Variants in ARB2A observed in about 807,000 individuals in gnomAD.
ARB2A encodes the protein ARB2 cotranscriptional regulator A.
the ARB2A span, among the ~76,000 whole-genome samples, chr5:94,015,254 T>C: frequency 1.3e-5 from 2 of 152,044 alleles, no homozygotes; most frequent in Non-Finnish European, 2.9e-5. Context: ...TTCAAACTGA[T>C]GAAAGAAAAA....
At chr5:93,819,011 C>A in the ARB2A span, among the ~76,000 whole-genome samples, 2 of 151,464 alleles carry the variant, frequency 1.3e-5, no homozygotes, top group Non-Finnish European at 2.9e-5. Context: ...CACGGTGAAA[C>A]CCCGTCTCTA....
chr5:93,854,619 T>C, the ARB2A span, among the ~76,000 whole-genome samples: 1 of 152,254 alleles, frequency 6.6e-6, no homozygotes, highest in Non-Finnish European at 1.5e-5. Context: ...CTCTACACAC[T>C]GCTTTGAATG....
chr5:93,868,332 A>G, the ARB2A span, among the ~76,000 whole-genome samples: 1 of 152,126 alleles, frequency 6.6e-6, no homozygotes, highest in South Asian at 2.1e-4. Flanking sequence ...CAACAACAAG[A>G]AAAGAAATGA....
At chr5:93,710,519 A>C in the ARB2A span, among the ~76,000 whole-genome samples, 1 of 152,204 alleles carries the variant, frequency 6.6e-6, no homozygotes, top group Non-Finnish European at 1.5e-5. Flanking sequence ...ATCTAATTGC[A>C]AGCCACACAC....
At chr5:93,705,203 T>C in the ARB2A span, among the ~76,000 whole-genome samples, 4 of 152,180 alleles carry the variant, frequency 2.6e-5, no homozygotes, top group Admixed American at 6.5e-5. Flanking sequence ...AGTGGGAGAT[T>C]TGGCTTAATT....
At chr5:93,839,458 T>C in the ARB2A span, among the ~76,000 whole-genome samples, 1 of 152,180 alleles carries the variant, frequency 6.6e-6, no homozygotes, top group Non-Finnish European at 1.5e-5. Flanking sequence ...TTTGCATCTA[T>C]GTTCATTAAG....
chr5:94,059,664 A>T, the ARB2A span, among the ~76,000 whole-genome samples: 313 of 150,500 alleles, frequency 2.1e-3, 2 homozygotes, highest in African/African-American at 7.3e-3. Context: ...AAGCAGATAG[A>T]GAAAAAAGGA....
At chr5:93,777,692 G>C in the ARB2A span, among the ~76,000 whole-genome samples, 2 of 151,982 alleles carry the variant, frequency 1.3e-5, no homozygotes, top group African/African-American at 4.8e-5. Context: ...TGCTTCCCTG[G>C]TTGTGCACCA....
the ARB2A span, among the ~76,000 whole-genome samples, chr5:93,651,625 C>T: frequency 3.9e-5 from 6 of 151,982 alleles, no homozygotes; most frequent in South Asian, 2.1e-4. Context: ...AGAGTGAATG[C>T]GCAGCACTAG....
the ARB2A span, among the ~76,000 whole-genome samples, chr5:94,040,128 G>A: frequency 9.4e-4 from 143 of 152,228 alleles, no homozygotes; most frequent in Middle Eastern, 6.8e-3. Flanking sequence ...GCCCCTCTTG[G>A]TAAAGTCCCT....
At chr5:93,665,685 C>T in the ARB2A span, among the ~76,000 whole-genome samples, 5 of 152,310 alleles carry the variant, frequency 3.3e-5, no homozygotes, top group Admixed American at 1.3e-4. Flanking sequence ...TTATTTAACA[C>T]AGACCACTGC....
At chr5:93,927,405 A>C in the ARB2A span, among the ~76,000 whole-genome samples, 1 of 152,082 alleles carries the variant, frequency 6.6e-6, no homozygotes, top group African/African-American at 2.4e-5. Context: ...GACCCATGTG[A>C]TTGATGAACT....
chr5:93,704,815 A>T, the ARB2A span, among the ~76,000 whole-genome samples: 1 of 152,170 alleles, frequency 6.6e-6, no homozygotes, highest in Admixed American at 6.5e-5. Context: ...GGGACTATTT[A>T]CCCCTTTGAG....
chr5:94,078,582 A>C, the ARB2A span, among the ~76,000 whole-genome samples: 1 of 152,154 alleles, frequency 6.6e-6, no homozygotes, highest in Non-Finnish European at 1.5e-5. Context: ...CAGGGTAATA[A>C]GGGCCCCTGG....
the ARB2A span, among the ~76,000 whole-genome samples, chr5:93,933,821 T>C: frequency 6.6e-6 from 1 of 151,808 alleles, no homozygotes; most frequent in Non-Finnish European, 1.5e-5. Context: ...AAAAGAAACA[T>C]GCATGGCATA....
the ARB2A span, among the ~76,000 whole-genome samples, chr5:93,927,103 C>A: frequency 6.6e-6 from 1 of 150,796 alleles, no homozygotes; most frequent in Non-Finnish European, 1.5e-5. Flanking sequence ...GTGTTGGCAG[C>A]AAGTAAATAT....
chr5:93,688,226 G>A, the ARB2A span, among the ~76,000 whole-genome samples: 2 of 152,032 alleles, frequency 1.3e-5, no homozygotes, highest in Non-Finnish European at 2.9e-5. Flanking sequence ...CACCTGCCTC[G>A]GCCTCCTAAA....
At chr5:93,892,800 A>C in the ARB2A span, among the ~76,000 whole-genome samples, 1 of 152,162 alleles carries the variant, frequency 6.6e-6, no homozygotes, top group Admixed American at 6.5e-5. Context: ...TTATGAATTA[A>C]AGACTTAGTC....
At chr5:93,876,405 T>C in the ARB2A span, among the ~76,000 whole-genome samples, 1 of 152,132 alleles carries the variant, frequency 6.6e-6, no homozygotes, top group South Asian at 2.1e-4. Flanking sequence ...TAATATATGC[T>C]AGCAAGTACA....
Sources: gnomAD v4.1 joint callset for allele counts (sites outside exome capture counted in the v4.1 genomes callset) on GRCh38, gnomAD v4.1.1 for gene constraint, MANE v1.5 for transcripts, NCBI Gene and HGNC (gene_info 2026-07-23, HGNC 2026-07-21) for gene names.